Variants in HEMK2 observed in about 807,000 individuals in gnomAD.
The protein encoded by HEMK2 is methyltransferase HEMK2.
the HEMK2 span, among the ~76,000 whole-genome samples, chr21:28,699,210 G>C: frequency 2.0e-5 from 3 of 152,086 alleles, no homozygotes; most frequent in Non-Finnish European, 4.4e-5. Flanking sequence ...GACTGTCTTA[G>C]TCTGTTTGTG....
At chr21:28,825,595 T>A in the HEMK2 span, among the ~76,000 whole-genome samples, 2 of 152,192 alleles carry the variant, frequency 1.3e-5, no homozygotes, top group Admixed American at 6.5e-5. Flanking sequence ...TAAAGAAGTA[T>A]GACCAAGATC....
At chr21:28,795,126 T>C in the HEMK2 span, among the ~76,000 whole-genome samples, 1 of 152,242 alleles carries the variant, frequency 6.6e-6, no homozygotes, top group Non-Finnish European at 1.5e-5. Context: ...GTTGAATTAA[T>C]TCCATTATTT....
At chr21:28,640,777 A>T in the HEMK2 span, among the ~76,000 whole-genome samples, 6 of 152,246 alleles carry the variant, frequency 3.9e-5, no homozygotes, top group East Asian at 1.2e-3. Flanking sequence ...GGTTTATGTG[A>T]TCTGCCATCC....
At chr21:28,848,778 G>A in the HEMK2 span, among the ~76,000 whole-genome samples, 9 of 152,008 alleles carry the variant, frequency 5.9e-5, no homozygotes, top group African/African-American at 1.7e-4. Context: ...TGTGTGAAAT[G>A]CATTTTTCCA....
chr21:28,721,843 G>GC, the HEMK2 span, among the ~76,000 whole-genome samples: 1 of 149,306 alleles, frequency 6.7e-6, no homozygotes, highest in African/African-American at 2.5e-5. Context: ...TTTGCCCCAG[G>GC]TCACACTAGA....
chr21:28,834,777 T>A, the HEMK2 span, among the ~76,000 whole-genome samples: 2 of 152,026 alleles, frequency 1.3e-5, no homozygotes, highest in Non-Finnish European at 2.9e-5. Flanking sequence ...GCTCTCCACC[T>A]GGAAATGAAT....
chr21:28,724,685 T>G, the HEMK2 span, among the ~76,000 whole-genome samples: 24 of 152,358 alleles, frequency 1.6e-4, no homozygotes, highest in African/African-American at 5.8e-4. Flanking sequence ...TCCAAAAGAA[T>G]TCCCCTAAAC....
At chr21:28,610,269 C>A in the HEMK2 span, among the ~76,000 whole-genome samples, 2 of 152,094 alleles carry the variant, frequency 1.3e-5, no homozygotes, top group African/African-American at 4.8e-5. Flanking sequence ...TTAAACAAAA[C>A]AATTATTAGC....
chr21:28,769,789 T>A, the HEMK2 span, among the ~76,000 whole-genome samples: 9 of 152,262 alleles, frequency 5.9e-5, no homozygotes, highest in African/African-American at 2.2e-4. Flanking sequence ...GTTTTAGCTG[T>A]CCAGTTCCCA....
At chr21:28,591,059 T>C in the HEMK2 span, among the ~76,000 whole-genome samples, 3 of 152,326 alleles carry the variant, frequency 2.0e-5, 1 homozygote, top group Middle Eastern at 0.01. Context: ...GGATGGATAA[T>C]GACTAAATGG....
the HEMK2 span, among the ~76,000 whole-genome samples, chr21:28,827,910 T>C: frequency 1.3e-5 from 2 of 152,244 alleles, no homozygotes; most frequent in Non-Finnish European, 2.9e-5. Context: ...AAACTTGCTC[T>C]GAGCCAGTAT....
At chr21:28,754,362 G>A in the HEMK2 span, among the ~76,000 whole-genome samples, 1 of 152,186 alleles carries the variant, frequency 6.6e-6, no homozygotes, top group South Asian at 2.1e-4. Context: ...AGCCTACCTC[G>A]TGCCTTGTAA....
chr21:28,885,186 C>G, the HEMK2 span: 2 of 1,535,756 alleles, frequency 1.3e-6, no homozygotes, highest in Non-Finnish European at 1.8e-6. Flanking sequence ...AACCCTTTCC[C>G]GTCAGAGCCC....
At chr21:28,855,577 C>T in the HEMK2 span, among the ~76,000 whole-genome samples, 1 of 152,198 alleles carries the variant, frequency 6.6e-6, no homozygotes, top group Non-Finnish European at 1.5e-5. Context: ...CTCATTTGCA[C>T]ATGGCACATA....
At chr21:28,876,374 C>T in the HEMK2 span, 8 of 1,564,220 alleles carry the variant, frequency 5.1e-6, no homozygotes, top group South Asian at 2.4e-5. Flanking sequence ...GTTCTGGGCA[C>T]ACACTGTATG....
the HEMK2 span, among the ~76,000 whole-genome samples, chr21:28,629,569 G>C: frequency 5.3e-5 from 8 of 152,250 alleles, no homozygotes. Flanking sequence ...AGCTAGAAGA[G>C]TGGACCGCAG....
the HEMK2 span, among the ~76,000 whole-genome samples, chr21:28,741,050 C>T: frequency 6.6e-6 from 1 of 152,132 alleles, no homozygotes; most frequent in Non-Finnish European, 1.5e-5. Context: ...TGTGTTAGCT[C>T]CAAGATAACT....
At chr21:28,636,087 G>A in the HEMK2 span, among the ~76,000 whole-genome samples, 1 of 152,106 alleles carries the variant, frequency 6.6e-6, no homozygotes, top group Non-Finnish European at 1.5e-5. Flanking sequence ...GCCTACAGTG[G>A]TTGTAGTTCC....
At chr21:28,696,612 T>C in the HEMK2 span, among the ~76,000 whole-genome samples, 84,543 of 151,982 alleles carry the variant, frequency 0.56, 26,185 homozygotes, top group East Asian at 0.84. Context: ...GTCTAGCGGA[T>C]GGTGGCCTTC....
Sources: gnomAD v4.1 joint callset for allele counts (sites outside exome capture counted in the v4.1 genomes callset) on GRCh38, gnomAD v4.1.1 for gene constraint, MANE v1.5 for transcripts, NCBI Gene and HGNC (gene_info 2026-07-23, HGNC 2026-07-21) for gene names.